DMD: variants seen among roughly 807,000 people sequenced by gnomAD.
The protein encoded by DMD is mutant dystrophin.
A neutral mutation model predicts 330.1 loss-of-function variants in DMD; 63 were observed. The observed-to-expected ratio is 0.19, with a 90% CI of 0.16 to 0.24. The LOEUF (loss-of-function observed/expected upper bound fraction) is 0.24. Among genes scored for constraint, DMD ranks in the 10% least tolerant of loss-of-function variants. The pLI is 1.00. For missense variants in DMD, 3,344 were observed against 2,684.1 expected (o/e 1.25, Z -5.43); for synonymous variants, 1,223 against 959.8 (o/e 1.27, Z -5.07).
At chrX:32,027,293 G>C (rs1466055169) in intron 44 of DMD, among the ~76,000 whole-genome samples, 3 of 109,495 alleles carry the variant, frequency 2.7e-5, no homozygotes, top group Non-Finnish European at 5.7e-5. Flanking sequence ...TAAGTAAATA[G>C]AAATGCTGTA....
chrX:33,315,873 C>G (rs188962934), intron 1 of DMD, among the ~76,000 whole-genome samples: 1 of 110,421 alleles, frequency 9.1e-6, no homozygotes, highest in East Asian at 2.9e-4. Context: ...TGTGTAGAAA[C>G]TTCTTCAATT....
chrX:32,872,179 G>A lies in DMD; in HGVS notation c.94-22359C>T, dbSNP rs151001220. Among the ~76,000 whole-genome samples, 35 of 111,338 alleles carry A rather than the reference G, an allele frequency of 3.1e-4. No individual in the cohort carries two copies. In the East Asian group the frequency reaches 1.0e-2, roughly 32 times the overall value. ...TCCCCGATTTCTGGATGTGACTTAAGTCCCTTTAAATTTAAAGGTTGCTAA... is the reference window on the plus strand; with the variant it reads ...TCCCCGATTTCTGGATGTGACTTAAATCCCTTTAAATTTAAAGGTTGCTAA... On this transcript the variant is annotated intron_variant, in intron 2 of 78. Transcript: ENST00000357033.
At chrX:31,951,159 GTATATATATATATA>G (rs747836033) in intron 45 of DMD, among the ~76,000 whole-genome samples, 4 of 71,699 alleles carry the variant, frequency 5.6e-5, no homozygotes, top group African/African-American at 2.2e-4. Context: ...ATATATATAT[GTATATATATATATA>G]TGTATATATA....
intron 30 of DMD, among the ~76,000 whole-genome samples, chrX:32,410,314 G>C (rs761734191): frequency 2.7e-5 from 3 of 111,355 alleles, no homozygotes. Flanking sequence ...TATTGCAATT[G>C]TATGCACTCC....
At chrX:31,779,742 G>A (rs1425625261) in intron 50 of DMD, among the ~76,000 whole-genome samples, 1 of 110,417 alleles carries the variant, frequency 9.1e-6, no homozygotes, top group Non-Finnish European at 1.9e-5. Context: ...CAGAGACAGA[G>A]CAAGAGAGAG....
At chrX:33,157,693 C>T (rs762865567) in intron 1 of DMD, among the ~76,000 whole-genome samples, 25 of 112,399 alleles carry the variant, frequency 2.2e-4, no homozygotes, top group South Asian at 7.3e-4. Context: ...CGGTGGCTCA[C>T]GCCTGTAATC....
At chrX:31,603,842 T>C (rs1333517456) in intron 55 of DMD, among the ~76,000 whole-genome samples, 1 of 111,807 alleles carries the variant, frequency 8.9e-6, no homozygotes, top group African/African-American at 3.2e-5. Flanking sequence ...TCCTTCCTGG[T>C]GGCTTCTGTT....
At chrX:32,165,582 G>A (rs1381092865) in intron 44 of DMD, among the ~76,000 whole-genome samples, 1 of 112,318 alleles carries the variant, frequency 8.9e-6, no homozygotes, top group Non-Finnish European at 1.9e-5. Flanking sequence ...TCTCAGATGA[G>A]ACTTTGGACT....
chrX:32,856,599 A>T (rs1464115925), intron 2 of DMD, among the ~76,000 whole-genome samples: 1 of 112,203 alleles, frequency 8.9e-6, no homozygotes, highest in Non-Finnish European at 1.9e-5. Flanking sequence ...ATATGCAGTA[A>T]CTAAAAATTA....
intron 44 of DMD, among the ~76,000 whole-genome samples, chrX:32,122,200 T>G (rs1403722173): frequency 8.9e-6 from 1 of 111,832 alleles, no homozygotes; most frequent in Non-Finnish European, 1.9e-5. Flanking sequence ...GTTTTTCCTA[T>G]AGCGTAGCTA....
chrX:32,097,366 C>T (rs1569542343), intron 44 of DMD, among the ~76,000 whole-genome samples: 1 of 110,890 alleles, frequency 9.0e-6, no homozygotes, highest in African/African-American at 3.3e-5. Flanking sequence ...TTTTCCATTC[C>T]TGTGTTAGTT....
rs751346183 is a variant in DMD, at chrX:31,926,630, CG to C, written c.6912+2965del. Among the ~76,000 whole-genome samples the C allele has an allele frequency of 3.2e-4, 35 of 109,926 alleles. No individual in the cohort carries two copies. The East Asian group carries it at 9.2e-3, about 29-fold the overall frequency. On this transcript the variant is annotated intron_variant, in intron 47 of 78. Coordinates refer to ENST00000357033, the MANE Select transcript of DMD (RefSeq NM_004006.3). ...GGTGGAGGTTGCAGTGAGCTGAGAT[CG>C]TGCCACTGCACTGCAGCCTGGATGA...
chrX:32,775,413 C>T (rs1053708107), intron 7 of DMD, among the ~76,000 whole-genome samples: 3 of 112,814 alleles, frequency 2.7e-5, no homozygotes, highest in Admixed American at 9.3e-5. Context: ...GAGGACTCCG[C>T]CCCTGCAGCA....
At chrX:31,187,453 T>C (rs1390631472) in intron 67 of DMD, among the ~76,000 whole-genome samples, 1 of 111,771 alleles carries the variant, frequency 8.9e-6, no homozygotes, top group Non-Finnish European at 1.9e-5. Context: ...CTCCAGACAG[T>C]GTAACTGGAT....
intron 11 of DMD, among the ~76,000 whole-genome samples, chrX:32,629,238 C>A (rs1183343000): frequency 9.0e-6 from 1 of 111,630 alleles, no homozygotes; most frequent in Non-Finnish European, 1.9e-5. Flanking sequence ...TGTCCTCTTG[C>A]TGAATTGACC....
At chrX:31,568,725 T>C (rs1194280516) in intron 55 of DMD, among the ~76,000 whole-genome samples, 3 of 111,873 alleles carry the variant, frequency 2.7e-5, no homozygotes, top group Non-Finnish European at 5.7e-5. Context: ...AAATCTCTTT[T>C]AATTGGTATA....
intron 1 of DMD, among the ~76,000 whole-genome samples, chrX:33,107,922 C>T (rs2095305730): frequency 1.8e-5 from 2 of 110,775 alleles, no homozygotes; most frequent in Admixed American, 1.9e-4. Context: ...TAATAAAGTA[C>T]CATTTCTACT....
intron 7 of DMD, among the ~76,000 whole-genome samples, chrX:32,710,699 C>G (rs1287950434): frequency 9.0e-6 from 1 of 110,758 alleles, no homozygotes; most frequent in Non-Finnish European, 1.9e-5. Context: ...TACTCAAGTG[C>G]TCTCAGACTG....
intron 45 of DMD, among the ~76,000 whole-genome samples, chrX:31,934,931 T>C (rs761122726): frequency 3.6e-5 from 4 of 112,328 alleles, no homozygotes; most frequent in African/African-American, 1.3e-4. Context: ...CTTATTTAAA[T>C]TGAAAAATAG....
Sources: allele counts gnomAD v4.1 joint callset (sites outside exome capture counted in the v4.1 genomes callset), GRCh38; gene constraint gnomAD v4.1.1; transcripts MANE v1.5; gene names NCBI Gene and HGNC (gene_info 2026-07-23, HGNC 2026-07-21).